Variants in AKAP6 observed in about 807,000 individuals in gnomAD.
AKAP6 encodes A-kinase anchoring protein 6.
Under a neutral mutation model 188.5 loss-of-function variants are expected in AKAP6, and 58 were observed. That is an observed-to-expected ratio of 0.31 (90% CI 0.25 to 0.38). The LOEUF is 0.38. AKAP6 is among the 10% of genes least tolerant of loss of function. The pLI is 1.00. For synonymous variants in AKAP6, 989 were observed against 998.6 expected (o/e 0.99, Z 0.18); for missense variants, 2,710 against 2,740.0 (o/e 0.99, Z 0.24).
chr14:32,735,320 CA>C (rs1359496805), intron 10 of AKAP6, among the ~76,000 whole-genome samples: 2 of 151,910 alleles, frequency 1.3e-5, no homozygotes, highest in African/African-American at 4.8e-5. Flanking sequence ...TCTCTGTGAC[CA>C]AAAAATTCAA....
intron 4 of AKAP6, among the ~76,000 whole-genome samples, chr14:32,566,066 C>G (rs948824650): frequency 6.6e-6 from 1 of 152,178 alleles, no homozygotes; most frequent in South Asian, 2.1e-4. Context: ...TGTAGGGGCT[C>G]TCAAGACCCT....
In AKAP6 at chr14:32,822,898, C is replaced by T. The variant is rs144111045; in HGVS notation, c.5085C>T (p.Asp1695=). 3.5e-4 allele frequency: 562 copies of T among 1,613,848 alleles called. 1 individual carries two copies. Among genetic ancestry groups the T allele is most frequent in the Admixed American group, 7.8e-4 (47 of 59,952 alleles). ...CTCTAACAGAACTTAGCAGCAGTGA[C>T]GAGCTCTCTCTTTGCTCAGAGGATA... The part of the protein sequence containing the change: ...AASLTELSSS[D]ELSLCSEDIV... Residue 1695 remains aspartate (D), a synonymous_variant, in exon 13 of 14, where the codon GAC becomes GAT. Transcript: ENST00000280979.
intron 7 of AKAP6, among the ~76,000 whole-genome samples, chr14:32,624,627 T>A (rs1254065624): frequency 6.6e-6 from 1 of 152,072 alleles, no homozygotes; most frequent in East Asian, 1.9e-4. Flanking sequence ...CAGAAAAATA[T>A]AGGCAGAGAA....
At chr14:32,622,630 G>A (rs1034617216) in intron 7 of AKAP6, among the ~76,000 whole-genome samples, 9 of 152,094 alleles carry the variant, frequency 5.9e-5, no homozygotes, top group South Asian at 4.2e-4. Context: ...TGAAATTATC[G>A]GAGTTGGTTG....
intron 2 of AKAP6, among the ~76,000 whole-genome samples, chr14:32,526,431 C>T (rs1882129486): frequency 1.3e-5 from 2 of 152,126 alleles, no homozygotes; most frequent in African/African-American, 4.8e-5. Context: ...TGCAGTTTCA[C>T]CACATTGCCC....
At position 32,363,070 on chromosome 14, in the gene AKAP6, A is replaced by G. The variant is rs187885299; in HGVS notation, c.-35+33662A>G. On this transcript the variant is annotated intron_variant, in intron 1 of 13. Coordinates refer to ENST00000280979, the MANE Select transcript of AKAP6 (RefSeq NM_004274.5). ...GGCACTGGAGCTACAGAGAGAAAAC[A>G]CATGTTCCCCTCACAGAATTTACTG... Among the ~76,000 whole-genome samples the G allele has an allele frequency of 8.9e-4, 135 of 152,328 alleles. 1 individual carries two copies. The highest frequency in any genetic ancestry group is 2.6e-4 in the Non-Finnish European group (18 of 68,032).
chr14:32,655,488 A>AGTTGG (rs1888417627), intron 7 of AKAP6, among the ~76,000 whole-genome samples: 1 of 152,198 alleles, frequency 6.6e-6, no homozygotes, highest in South Asian at 2.1e-4. Context: ...CTTAACTTTA[A>AGTTGG]GAAGCTCATA....
At chr14:32,745,018 A>G (rs2031836343) in intron 11 of AKAP6, among the ~76,000 whole-genome samples, 1 of 151,956 alleles carries the variant, frequency 6.6e-6, no homozygotes, top group Non-Finnish European at 1.5e-5. Flanking sequence ...TGTTATCTTG[A>G]ATTCTTTGAG....
At chr14:32,723,199 C>T (rs1395429290) in intron 9 of AKAP6, among the ~76,000 whole-genome samples, 1 of 152,136 alleles carries the variant, frequency 6.6e-6, no homozygotes, top group East Asian at 1.9e-4. Flanking sequence ...TTACATCTAC[C>T]TTCTATTGTC....
rs773555404 is a variant in AKAP6 at position 32,822,708 on chromosome 14, C to T, written c.4895C>T (p.Thr1632Ile). Residue 1632 changes from threonine (T) to isoleucine (I), a missense_variant, in exon 13 of 14, where the codon ACA becomes ATA. Physicochemically the swap from Thr to Ile is moderately conservative, Grantham distance 89. Coordinates refer to ENST00000280979, the MANE Select transcript of AKAP6 (RefSeq NM_004274.5). ...SGSVGELSKR[T>I]LDLLNRLENI... is the part of the protein sequence containing the mutation. ...TCAGTTGGTGAACTAAGTAAAAGAA[C>T]ATTAGATCTCCTGAATCGTTTGGAG... 5.6e-6 allele frequency: 9 copies of T among 1,613,834 alleles called. No homozygotes were observed. Among genetic ancestry groups the T allele is most frequent in the Admixed American group, 1.7e-5 (1 of 59,926 alleles).
intron 1 of AKAP6, among the ~76,000 whole-genome samples, chr14:32,409,665 A>G (rs1297892706): frequency 1.3e-5 from 2 of 152,218 alleles, no homozygotes; most frequent in African/African-American, 4.8e-5. Flanking sequence ...AATGTATTTC[A>G]CATAGTAATA....
At chr14:32,512,369 GTT>G (rs1881303557) in intron 2 of AKAP6, among the ~76,000 whole-genome samples, 1 of 152,184 alleles carries the variant, frequency 6.6e-6, no homozygotes, top group Admixed American at 6.5e-5. Context: ...TAAGCAATGA[GTT>G]TAAAAATTAC....
intron 4 of AKAP6, among the ~76,000 whole-genome samples, chr14:32,574,229 A>T (rs1884623927): frequency 6.6e-6 from 1 of 152,142 alleles, no homozygotes; most frequent in African/African-American, 2.4e-5. Flanking sequence ...AAGAAAAGAG[A>T]TAGGAAATGT....
intron 11 of AKAP6, 51 bp from the exon 12 acceptor site, chr14:32,773,627 G>A (rs2032962664): frequency 6.6e-7 from 1 of 1,509,842 alleles, no homozygotes; most frequent in Middle Eastern, 1.8e-4. Flanking sequence ...TCATGTTTTA[G>A]GGAACTCTGC....
At chr14:32,391,115 C>T (rs1436548549) in intron 1 of AKAP6, among the ~76,000 whole-genome samples, 1 of 152,132 alleles carries the variant, frequency 6.6e-6, no homozygotes, top group Admixed American at 6.6e-5. Context: ...AGACCAGGTG[C>T]TTTAATAGGA....
intron 12 of AKAP6, among the ~76,000 whole-genome samples, chr14:32,800,915 A>G (rs10459424): frequency 0.92 from 140,270 of 152,198 alleles, 64,754 homozygotes; most frequent in East Asian, 1. Context: ...TACTCAAGAG[A>G]CAGAGGTGAG....
chr14:32,753,836 G>T (rs954396940), intron 11 of AKAP6, among the ~76,000 whole-genome samples: 1 of 152,014 alleles, frequency 6.6e-6, no homozygotes, highest in African/African-American at 2.4e-5. Context: ...TCATGAATGT[G>T]TGGATTTATT....
At chr14:32,724,701 A>G (rs907394567) in intron 9 of AKAP6, among the ~76,000 whole-genome samples, 6 of 152,156 alleles carry the variant, frequency 3.9e-5, no homozygotes, top group African/African-American at 9.7e-5. Context: ...GGCAAAATTT[A>G]TAATAGAGTC....
At chr14:32,414,942 A>G (rs938603421) in intron 1 of AKAP6, among the ~76,000 whole-genome samples, 3 of 152,174 alleles carry the variant, frequency 2.0e-5, no homozygotes, top group Non-Finnish European at 4.4e-5. Flanking sequence ...CTTTAAGCAC[A>G]AGTAATTACA....
Sources: gnomAD v4.1 joint callset for allele counts (sites outside exome capture counted in the v4.1 genomes callset) on GRCh38, gnomAD v4.1.1 for gene constraint, MANE v1.5 for transcripts, NCBI Gene and HGNC (gene_info 2026-07-23, HGNC 2026-07-21) for gene names.